NRCAM: variants seen among roughly 807,000 people sequenced by gnomAD.
NRCAM encodes neuronal cell adhesion molecule.
In NRCAM, 83 loss-of-function variants were observed where a neutral mutation model predicts 156.5. That is an observed-to-expected ratio of 0.53 (90% CI 0.44 to 0.64). The LOEUF is 0.64. NRCAM is among the 30% of genes least tolerant of loss of function. The probability of loss-of-function intolerance (pLI) is 0.00; values close to 1 mark genes in which losing one functional copy is unlikely to be tolerated. For missense variants in NRCAM, 1,417 were observed against 1,597.3 expected (o/e 0.89, Z 1.92); for synonymous variants, 538 against 563.9 (o/e 0.95, Z 0.65).
rs368941771 is a variant in NRCAM at position 108,453,061 on chromosome 7, T to G, written c.-332+3182A>C. 2.6e-5 allele frequency among the ~76,000 whole-genome samples: 4 copies of G among 152,340 alleles called. No individual in the cohort carries two copies. In the East Asian group the frequency reaches 7.7e-4, roughly 29 times the overall value. On this transcript the variant is annotated intron_variant, in intron 1 of 32. Transcript: ENST00000379028. ...CTGTGTGATGAAGTATGTAGCTAGA[T>G]GATAAAATTAGAATTAATCTTCCCA...
At chr7:108,293,564 A>G (rs1348657220) in intron 3 of NRCAM, among the ~76,000 whole-genome samples, 1 of 152,216 alleles carries the variant, frequency 6.6e-6, no homozygotes, top group Non-Finnish European at 1.5e-5. Flanking sequence ...CAGGCAGTAC[A>G]CTGTGATACT....
intron 3 of NRCAM, among the ~76,000 whole-genome samples, chr7:108,256,177 AT>A (rs1688113047): frequency 6.6e-6 from 1 of 151,906 alleles, no homozygotes; most frequent in African/African-American, 2.4e-5. Context: ...GTTTTGTTGA[AT>A]AGAAAAGGGG....
At chr7:108,328,083 C>T (rs2099088916) in intron 2 of NRCAM, among the ~76,000 whole-genome samples, 1 of 152,188 alleles carries the variant, frequency 6.6e-6, no homozygotes, top group African/African-American at 2.4e-5. Flanking sequence ...AACAAACATA[C>T]CAGCACTTAA....
intron 3 of NRCAM, among the ~76,000 whole-genome samples, chr7:108,271,862 A>C (rs1214252930): frequency 1.3e-5 from 2 of 152,200 alleles, no homozygotes; most frequent in African/African-American, 4.8e-5. Context: ...ACATATGCTG[A>C]AAACTGTTGG....
At chr7:108,385,088 A>T (rs1266888789) in intron 2 of NRCAM, among the ~76,000 whole-genome samples, 2 of 152,232 alleles carry the variant, frequency 1.3e-5, no homozygotes, top group Non-Finnish European at 2.9e-5. Context: ...GATCCTAAGC[A>T]AGTGCTTTGT....
At chr7:108,388,305 G>T (rs772517804) in intron 2 of NRCAM, among the ~76,000 whole-genome samples, 1 of 152,080 alleles carries the variant, frequency 6.6e-6, no homozygotes, top group Non-Finnish European at 1.5e-5. Context: ...TTCCCTGATG[G>T]CCAGTGATGA....
At chr7:108,289,388 G>A (rs1054781939) in intron 3 of NRCAM, among the ~76,000 whole-genome samples, 2 of 152,094 alleles carry the variant, frequency 1.3e-5, no homozygotes, top group African/African-American at 2.4e-5. Context: ...ATCGTGTGGT[G>A]AAAATACTTA....
chr7:108,267,536 TA>T (rs1304110334), intron 3 of NRCAM, among the ~76,000 whole-genome samples: 2 of 152,194 alleles, frequency 1.3e-5, no homozygotes, highest in East Asian at 3.8e-4. Context: ...CTTTGAAAAG[TA>T]ACTTAGGAAA....
intron 11 of NRCAM, among the ~76,000 whole-genome samples, chr7:108,211,618 C>T (rs543981429): frequency 3.3e-4 from 50 of 152,216 alleles, no homozygotes; most frequent in African/African-American, 1.1e-3. Context: ...GGATTTCCCT[C>T]GCTTCCCCAA....
chr7:108,400,921 G>A (rs6466226), intron 1 of NRCAM, among the ~76,000 whole-genome samples: 37,409 of 151,918 alleles, frequency 0.25, 4,882 homozygotes, highest in Non-Finnish European at 0.29. Flanking sequence ...GATGAGGCTC[G>A]TGGCTCTCTG....
chr7:108,350,653 T>C (rs2099405394), intron 2 of NRCAM, among the ~76,000 whole-genome samples: 1 of 152,146 alleles, frequency 6.6e-6, no homozygotes, highest in Non-Finnish European at 1.5e-5. Flanking sequence ...CCCACTCCCC[T>C]GTTGGTGCCT....
chr7:108,240,095 G>T lies in NRCAM; in HGVS notation c.-31C>A, dbSNP rs755672467. On this transcript the variant is annotated 5_prime_UTR_variant, in exon 4 of 33. Coordinates refer to ENST00000379028, the MANE Select transcript of NRCAM (RefSeq NM_001037132.4). Reference sequence around the variant, plus strand: ...TAACTCCTGCTGAGACTCACACACTGAATTTCCTTTTCTTCTTTCACAAAA... The same window carrying T: ...TAACTCCTGCTGAGACTCACACACTTAATTTCCTTTTCTTCTTTCACAAAA... The T allele has an allele frequency of 2.5e-5, 37 of 1,457,334 alleles. No homozygotes were observed. The highest frequency in any genetic ancestry group is 3.4e-5 in the Non-Finnish European group (36 of 1,047,034). 90.3% of individuals were successfully genotyped at this position (1,457,334 alleles called of 1,614,324 possible).
chr7:108,163,414 G>A (rs1162205786), intron 30 of NRCAM, among the ~76,000 whole-genome samples: 1 of 152,186 alleles, frequency 6.6e-6, no homozygotes, highest in Non-Finnish European at 1.5e-5. Flanking sequence ...AAGAGAGACA[G>A]GGTGAGGGAA....
intron 13 of NRCAM, among the ~76,000 whole-genome samples, chr7:108,199,381 G>T (rs1430869131): frequency 6.6e-6 from 1 of 152,206 alleles, no homozygotes; most frequent in East Asian, 1.9e-4. Context: ...CACGGTTGCT[G>T]TAACAACTTA....
At chr7:108,378,784 G>C (rs566525058) in intron 2 of NRCAM, among the ~76,000 whole-genome samples, 4 of 150,400 alleles carry the variant, frequency 2.7e-5, no homozygotes, top group South Asian at 4.2e-4. Context: ...ATAAAGAGAA[G>C]GAAAGATGAA....
At chr7:108,343,802 G>C (rs761067559) in intron 2 of NRCAM, among the ~76,000 whole-genome samples, 1 of 152,000 alleles carries the variant, frequency 6.6e-6, no homozygotes, top group Non-Finnish European at 1.5e-5. Context: ...ATATAGTCAG[G>C]GCCTGTAAAG....
intron 1 of NRCAM, among the ~76,000 whole-genome samples, chr7:108,438,538 G>A (rs2154478271): frequency 6.6e-6 from 1 of 152,184 alleles, no homozygotes; most frequent in East Asian, 1.9e-4. Flanking sequence ...AAAATCTACA[G>A]TTAACATACC....
chr7:108,328,260 A>G (rs1371717572), intron 2 of NRCAM, among the ~76,000 whole-genome samples: 1 of 152,234 alleles, frequency 6.6e-6, no homozygotes, highest in Non-Finnish European at 1.5e-5. Context: ...GAGAATATCA[A>G]GCTTCAGACA....
intron 2 of NRCAM, among the ~76,000 whole-genome samples, chr7:108,367,222 T>C (rs1302911813): frequency 3.3e-5 from 5 of 152,174 alleles, no homozygotes; most frequent in African/African-American, 1.2e-4. Flanking sequence ...TTGACCACTA[T>C]ATCAAAAAGC....
Sources: gnomAD v4.1 joint callset for allele counts (sites outside exome capture counted in the v4.1 genomes callset) on GRCh38, gnomAD v4.1.1 for gene constraint, MANE v1.5 for transcripts, NCBI Gene and HGNC (gene_info 2026-07-23, HGNC 2026-07-21) for gene names.